FBF1: variants seen among roughly 807,000 people sequenced by gnomAD.
The protein encoded by FBF1 is Fas binding factor 1, also known as fas-binding factor 1.
FBF1 carries 119 observed loss-of-function variants against 147.2 expected under a neutral mutation model. The observed-to-expected ratio is 0.81, with a 90% confidence interval of 0.70 to 0.94. The LOEUF (loss-of-function observed/expected upper bound fraction) is 0.94, where lower values mean the gene tolerates loss of function less well. FBF1 is among the 40% of genes least tolerant of loss of function. FBF1 has a pLI of 0.00. For synonymous variants in FBF1, 601 were observed against 609.0 expected, an observed-to-expected ratio of 0.99 and a Z score of 0.19; for missense variants, 1,449 against 1,500.8, an observed-to-expected ratio of 0.97 and a Z score of 0.57.
chr17:75,927,618 A>G (rs2065570383), intron 8 of FBF1, 86 bp from the exon 9 acceptor site: 1 of 1,202,538 alleles, frequency 8.3e-7, no homozygotes, highest in Non-Finnish European at 1.2e-6. Context: ...GGCCCCTGGG[A>G]TGGGGTGCAC....
Position 75,923,051 on chromosome 17 carries a change from G to A in FBF1, c.1424+135C>T, listed in dbSNP as rs908467779. On this transcript the variant is annotated intron_variant, in intron 14 of 29. Transcript: ENST00000636174. The surrounding 1 kb of genome is among the most constrained non-coding windows in gnomAD (Gnocchi z 4.1). ...AAAGGCAGAGTAGCAAAGCCAAGAA[G>A]CGGCCTCTGTGGCCACGGCGCCCTG... 1.2e-5 allele frequency: 10 copies of A among 855,442 alleles called. No homozygotes were observed. The Admixed American group carries it at 1.5e-4, about 12-fold the overall frequency. 53.0% of individuals were successfully genotyped at this position (855,442 alleles called of 1,614,324 possible).
Position 75,915,023 on chromosome 17 carries a change from C to T in FBF1, c.2622G>A (p.Arg874=). 1 of 1,613,432 alleles carries T rather than the reference C, an allele frequency of 6.2e-7. No individual in the cohort carries two copies. ...GTGCGGTGGCTTGACTCACCTTGGC[C>T]CGTTCCAGCTCCGCCCTTTCCATGG... ...QMAMERAELE[R]AKSALLEEQK... is the part of the protein sequence containing the mutation. The change falls in exon 24 of 30, where the codon CGG becomes CGA. Residue 874 remains arginine, a synonymous_variant. Coordinates refer to ENST00000636174, the MANE Select transcript of FBF1 (RefSeq NM_001319193.2).
intron 10 of FBF1, 64 bp downstream of exon 10, chr17:75,926,694 G>T: frequency 3.2e-6 from 5 of 1,561,382 alleles, no homozygotes; most frequent in Non-Finnish European, 4.3e-6. Context: ...CACCAGAAAG[G>T]CTGGTTAGCT....
intron 9 of FBF1, 68 bp downstream of exon 9, chr17:75,927,387 C>A: frequency 1.4e-6 from 2 of 1,402,942 alleles, no homozygotes; most frequent in South Asian, 1.3e-5. Flanking sequence ...CTCGGGCCAG[C>A]AAGCATGCCT....
intron 28 of FBF1, 49 bp from the exon 29 acceptor site, chr17:75,912,356 C>T (rs1340264343): frequency 7.0e-7 from 1 of 1,429,520 alleles, no homozygotes; most frequent in African/African-American, 1.4e-5. Flanking sequence ...GGTGGAAATA[C>T]CGGGCGGTCA....
chr17:75,909,770 A>G lies in FBF1; in HGVS notation c.*953T>C. On this transcript the variant is annotated 3_prime_UTR_variant, in exon 30 of 30. Coordinates refer to ENST00000636174, the MANE Select transcript of FBF1 (RefSeq NM_001319193.2). ...TATAGGCTGATCTTTTAATAAGAAC[A>G]TCTGCCTGTTCTTTGGGACTTGTCC... The G allele has an allele frequency of 1.6e-6, 1 of 628,076 alleles. No individual in the cohort carries two copies. Among genetic ancestry groups the G allele is most frequent in the Non-Finnish European group, 2.9e-6 (1 of 345,892 alleles). The allele number at this position is 628,076 out of a possible 1,614,324, so 38.9% of individuals were successfully genotyped here. A position where few individuals can be genotyped will look rare whatever the true frequency, so the allele number is the denominator to read the frequency against.
rs2065554172 is a variant in FBF1, at chr17:75,925,397, C to A, written c.918G>T (p.Gln306His). The change falls in exon 13 of 30, where the codon CAG becomes CAT. Residue 306 changes from glutamine (Q) to histidine (H), a missense_variant. Transcript: ENST00000636174. The surrounding 1 kb of genome is among the most constrained non-coding windows in gnomAD (Gnocchi z 5.0). ...GGCCCTCAGAGGAGACCACAGTGGG[C>A]TGATAGGCTCCAAAGGTGAAGTCCT... ...GDEDFTFGAY[Q>H]PTVVSSEGRQ... is the part of the protein sequence containing the mutation. The A allele has an allele frequency of 1.2e-6, 2 of 1,613,576 alleles. No homozygotes were observed. Among genetic ancestry groups the A allele is most frequent in the Admixed American group, 1.7e-5 (1 of 59,994 alleles).
In FBF1 at chr17:75,923,339, G is replaced by T. The variant is rs1310079811; in HGVS notation, c.1271C>A (p.Ala424Asp). Reference protein sequence around the residue: ...GAGSPAKASQASKLRASKEEK... With the variant: ...GAGSPAKASQDSKLRASKEEK... ...CTCCTTGGAGGCTCGCAGCTTGGAA[G>T]CCTGGCTGGCTTTGGCAGGGGACCC... The change falls in exon 14 of 30, where the codon GCT (alanine) becomes GAT (aspartate). Residue 424 changes from alanine (A) to aspartate (D), a missense_variant. Physicochemically the swap from Ala to Asp is moderately radical, Grantham distance 126 (BLOSUM62 -2). Transcript: ENST00000636174. The surrounding 1 kb of genome is among the most constrained non-coding windows in gnomAD (Gnocchi z 4.1). 1.9e-6 allele frequency: 3 copies of T among 1,603,118 alleles called. No homozygotes were observed. Among genetic ancestry groups the T allele is most frequent in the East Asian group, 4.5e-5 (2 of 44,568 alleles).
chr17:75,918,035 A>T lies in FBF1; in HGVS notation c.2282T>A (p.Phe761Tyr). Residue 761 changes from phenylalanine (F) to tyrosine (Y), a missense_variant, in exon 22 of 30, where the codon TTC becomes TAC. Coordinates refer to ENST00000636174, the MANE Select transcript of FBF1 (RefSeq NM_001319193.2). The surrounding 1 kb of genome is among the most constrained non-coding windows in gnomAD (Gnocchi z 5.8). Reference protein sequence around the residue: ...LNSIIHQMEKFSSSLHELSSR... With the variant: ...LNSIIHQMEKYSSSLHELSSR... ...GGACAACTCGTGCAGGCTGCTGGAG[A>T]ACTTCTCCATCTGGTGGATGATGCT... 4 of 1,611,710 alleles carry T rather than the reference A, an allele frequency of 2.5e-6. No individual in the cohort carries two copies. The highest frequency in any genetic ancestry group is 3.4e-6 in the Non-Finnish European group (4 of 1,178,588).
chr17:75,930,668 A>G (rs2065588931), intron 6 of FBF1, among the ~76,000 whole-genome samples: 1 of 152,194 alleles, frequency 6.6e-6, no homozygotes, highest in Non-Finnish European at 1.5e-5. Flanking sequence ...GTCAGCCTGT[A>G]ATCACAGTAC....
intron 9 of FBF1, 66 bp from the exon 10 acceptor site, chr17:75,926,943 T>C (rs1046853850): frequency 3.2e-6 from 5 of 1,558,020 alleles, no homozygotes; most frequent in African/African-American, 1.4e-5. Flanking sequence ...AAGCCTGAAC[T>C]GGGGAGCAGC....
chr17:75,937,747 T>C (rs972352398), intron 2 of FBF1, 154 bp from the exon 3 acceptor site: 13 of 818,244 alleles, frequency 1.6e-5, no homozygotes, highest in Admixed American at 1.2e-4. Flanking sequence ...TGTGTTCCTA[T>C]AGTTTCTGAG....
At chr17:75,921,347 T>C (rs1415284905) in intron 16 of FBF1, 45 bp from the exon 17 acceptor site, 1 of 1,565,962 alleles carries the variant, frequency 6.4e-7, no homozygotes, top group Non-Finnish European at 8.7e-7. Flanking sequence ...CCCAGGGCAC[T>C]GGGCCTGCGA....
intron 3 of FBF1, 53 bp downstream of exon 3, chr17:75,937,513 G>A: frequency 1.3e-6 from 2 of 1,597,920 alleles, no homozygotes; most frequent in Non-Finnish European, 1.7e-6. Flanking sequence ...CAGGACCAAA[G>A]GGGAAAAAGA....
At chr17:75,931,397 G>C in intron 5 of FBF1, 108 bp from the exon 6 acceptor site, 2 of 899,268 alleles carry the variant, frequency 2.2e-6, no homozygotes, top group Non-Finnish European at 3.5e-6. Context: ...AGGTCTCTCC[G>C]GAGAACAGAG....
rs973576574 is a variant in FBF1 at position 75,918,923 on chromosome 17, G to A, written c.2139-654C>T. On this transcript the variant is annotated intron_variant, in intron 20 of 29. Coordinates refer to ENST00000636174, the MANE Select transcript of FBF1 (RefSeq NM_001319193.2). This position sits in a 1 kb window ranked among gnomAD's most constrained non-coding sequence, Gnocchi z 5.8. ...CTCCCAAGTGTTTTGTTTTTTAAAT[G>A]TTTTTAGAGACAGGGTTTTGTTCTG... 6.7e-6 allele frequency among the ~76,000 whole-genome samples: 1 copy of A among 149,958 alleles called. No homozygotes were observed. Among genetic ancestry groups the A allele is most frequent in the Non-Finnish European group, 1.5e-5 (1 of 67,586 alleles).
In FBF1 at chr17:75,925,648, C is replaced by T. The variant is rs971421947; in HGVS notation, c.869-202G>A. ...AGCCAGACCCTGCCCCAGGATCCCT[C>T]GAGGTCAGGTCCAGCGAGCGGCATG... On this transcript the variant is annotated intron_variant, in intron 12 of 29. Transcript: ENST00000636174. The surrounding 1 kb of genome is among the most constrained non-coding windows in gnomAD (Gnocchi z 5.0). Among the ~76,000 whole-genome samples the T allele has an allele frequency of 2.0e-5, 3 of 152,206 alleles. No homozygotes were observed. The highest frequency in any genetic ancestry group is 2.9e-5 in the Non-Finnish European group (2 of 68,032).
At chr17:75,929,964 C>CCCCAAAAAAAAAAA in intron 7 of FBF1, 33 bp downstream of exon 7, 1 of 1,402,190 alleles carries the variant, frequency 7.1e-7, no homozygotes, top group Non-Finnish European at 9.9e-7. Flanking sequence ...CACCCACCCC[C>CCCCAAAAAAAAAAA]AGTTCTAAGA....
chr17:75,930,081 G>C (rs1407077813), intron 6 of FBF1, 34 bp from the exon 7 acceptor site: 2 of 1,520,394 alleles, frequency 1.3e-6, no homozygotes, highest in African/African-American at 2.8e-5. Context: ...ACACAGATGA[G>C]GAGGCACATT....
Sources: allele counts gnomAD v4.1 joint callset (sites outside exome capture counted in the v4.1 genomes callset), GRCh38; gene constraint gnomAD v4.1.1; non-coding constraint Gnocchi (gnomAD v3.1); transcripts MANE v1.5; gene names NCBI Gene and HGNC (gene_info 2026-07-23, HGNC 2026-07-21).